The following CHRNG variants were observed in gnomAD, a reference collection of about 807,000 sequenced individuals.
The protein encoded by CHRNG is cholinergic receptor nicotinic gamma subunit.
CHRNG carries 72 observed loss-of-function variants against 65.2 expected under a neutral mutation model. That is an observed-to-expected ratio of 1.10 (90% CI 0.91 to 1.34). The LOEUF is 1.34. Ranked by LOEUF, CHRNG falls within the 40% of genes most tolerant of loss-of-function variation. The probability of loss-of-function intolerance (pLI) is 0.00; values close to 1 mark genes in which losing one functional copy is unlikely to be tolerated. For missense variants in CHRNG, 637 were observed against 680.1 expected (o/e 0.94, Z 0.70); for synonymous variants, 284 against 290.2 (o/e 0.98, Z 0.22).
Position 232,545,782 on chromosome 2 carries a change from C to A in CHRNG, c.*66C>A. On this transcript the variant is annotated 3_prime_UTR_variant, in exon 12 of 12. Coordinates refer to ENST00000651502, the MANE Select transcript of CHRNG (RefSeq NM_005199.5). Reference sequence around the variant, plus strand: ...GGGTCACACTGAGTCTTATCAGCCACGTTCTCCTACTGAGGTCCTAAGTGT... The same window carrying A: ...GGGTCACACTGAGTCTTATCAGCCAAGTTCTCCTACTGAGGTCCTAAGTGT... The A allele has an allele frequency of 6.4e-7, 1 of 1,551,354 alleles. No individual in the cohort carries two copies. Among genetic ancestry groups the A allele is most frequent in the Non-Finnish European group, 8.9e-7 (1 of 1,125,340 alleles).
rs538738265 is a variant in CHRNG at position 232,541,114 on chromosome 2, T to G, written c.351-260T>G. Among the ~76,000 whole-genome samples, 15 of 151,030 alleles carry G rather than the reference T, an allele frequency of 9.9e-5. No individual in the cohort carries two copies. Among genetic ancestry groups the G allele is most frequent in the African/African-American group, 2.2e-4 (9 of 40,966 alleles). ...TTATGACTATTATTATTATTATTAT[T>G]ATTATGATTAAAACAAGAGAGAGTA... On this transcript the variant is annotated intron_variant, in intron 4 of 11. Coordinates refer to ENST00000651502, the MANE Select transcript of CHRNG (RefSeq NM_005199.5). This position sits in a 1 kb window ranked among gnomAD's most constrained non-coding sequence, Gnocchi z 4.0.
At chr2:232,542,339 A>G in intron 5 of CHRNG, 84 bp from the exon 6 acceptor site, 1 of 880,902 alleles carries the variant, frequency 1.1e-6, no homozygotes, top group Non-Finnish European at 1.9e-6. Flanking sequence ...AAAGCTGCCC[A>G]CACTTGTCCC....
In CHRNG at chr2:232,546,924, G is replaced by A. The variant is rs373878622; in HGVS notation, c.*1208G>A. Among the ~76,000 whole-genome samples, 215 of 151,878 alleles carry A rather than the reference G, an allele frequency of 1.4e-3. 6 individuals carry two copies. The South Asian group carries it at 0.042, about 30-fold the overall frequency. On this transcript the variant is annotated 3_prime_UTR_variant, in exon 12 of 12. Transcript: ENST00000651502. ...CACTGAGCTCTTCATTCCAGGAGGA[G>A]ACTTTGACTGGCCTCCCTTGACCCC...
rs1338332307 is a variant in CHRNG at position 232,541,848 on chromosome 2, G to A, written c.506+319G>A. 1.1e-5 allele frequency: 5 copies of A among 451,168 alleles called. No homozygotes were observed. Among genetic ancestry groups the A allele is most frequent in the Non-Finnish European group, 2.1e-5 (5 of 242,608 alleles). The allele number at this position is 451,168 out of a possible 1,614,324, so 27.9% of individuals were successfully genotyped here. ...ACAAGATGCGTGTCTGCGCACACAC[G>A]AAACCACTGCACACTCCAGGCCCAC... is the stretch of plus-strand genomic sequence containing the variant. On this transcript the variant is annotated intron_variant, in intron 5 of 11. Coordinates refer to ENST00000651502, the MANE Select transcript of CHRNG (RefSeq NM_005199.5). The surrounding 1 kb of genome is among the most constrained non-coding windows in gnomAD (Gnocchi z 4.0).
In CHRNG at chr2:232,545,539, T is replaced by G; in HGVS notation, c.1381-4T>G. 2 of 1,613,390 alleles carry G rather than the reference T, an allele frequency of 1.2e-6. No individual in the cohort carries two copies. The highest frequency in any genetic ancestry group is 1.7e-6 in the Non-Finnish European group (2 of 1,179,838). ...GTTATCCCACACCTGCCTCCCACCC[T>G]CAGGGGAATGAGGAGTGGTTCCTGG... On this transcript the variant is annotated splice_polypyrimidine_tract_variant and splice_region_variant and intron_variant, in intron 11 of 11. Coordinates refer to ENST00000651502, the MANE Select transcript of CHRNG (RefSeq NM_005199.5).
intron 5 of CHRNG, among the ~76,000 whole-genome samples, chr2:232,542,045 G>A (rs1172093212): frequency 6.6e-6 from 1 of 152,180 alleles, no homozygotes; most frequent in East Asian, 1.9e-4. Context: ...GTCTTTCCAT[G>A]AGCAAACCTG....
At position 232,540,979 on chromosome 2, in the gene CHRNG, T is replaced by TG. The variant is rs1313434613; in HGVS notation, c.350+272dup. 1.3e-5 allele frequency among the ~76,000 whole-genome samples: 2 copies of TG among 151,778 alleles called. No individual in the cohort carries two copies. The highest frequency in any genetic ancestry group is 1.3e-4 in the Admixed American group (2 of 15,260). ...GTGGGCTGCTCCCTTCCCTGTAACA[T>TG]GGGGCCGCTGACGGGTCCTATAGAA... On this transcript the variant is annotated intron_variant, in intron 4 of 11. Transcript: ENST00000651502. This position sits in a 1 kb window ranked among gnomAD's most constrained non-coding sequence, Gnocchi z 4.2.
In CHRNG at chr2:232,544,782, G is replaced by A. The variant is rs376569365; in HGVS notation, c.1260G>A (p.Pro420=). The A allele has an allele frequency of 7.1e-5, 114 of 1,613,868 alleles. No homozygotes were observed. In the Admixed American group the frequency reaches 1.1e-3, roughly 16 times the overall value. The change falls in exon 11 of 12, where the codon CCG becomes CCA. Residue 420 remains proline (P), a synonymous_variant. Coordinates refer to ENST00000651502, the MANE Select transcript of CHRNG (RefSeq NM_005199.5). Reference sequence around the variant, plus strand: ...CTTTCTCTTTATCAGAGAAAGGCCCGGAGTTAGGGCTGAGCCAGTTCTGTG... The same window carrying A: ...CTTTCTCTTTATCAGAGAAAGGCCCAGAGTTAGGGCTGAGCCAGTTCTGTG... ...AAALEKLEKG[P]ELGLSQFCGS...
rs1692018814 is a variant in CHRNG at position 232,541,585 on chromosome 2, G to A, written c.506+56G>A. On this transcript the variant is annotated intron_variant, in intron 5 of 11. Coordinates refer to ENST00000651502, the MANE Select transcript of CHRNG (RefSeq NM_005199.5). The surrounding 1 kb of genome is among the most constrained non-coding windows in gnomAD (Gnocchi z 4.0). ...AGCTGCTCTCAGAGGGGCCTGGGCA[G>A]TGGTGGGGTAAGGCCTGGGCAAGGC... 6.3e-7 allele frequency: 1 copy of A among 1,599,766 alleles called. No individual in the cohort carries two copies. Among genetic ancestry groups the A allele is most frequent in the East Asian group, 2.2e-5 (1 of 44,828 alleles).
chr2:232,540,616 T>A lies in CHRNG; in HGVS notation c.255T>A (p.Tyr85Ter), dbSNP rs2106220151. 6.2e-7 allele frequency: 1 copy of A among 1,612,230 alleles called. No homozygotes were observed. Among genetic ancestry groups the A allele is most frequent in the East Asian group, 2.2e-5 (1 of 44,854 alleles). Residue 85 changes from tyrosine (Y) to a stop codon, truncating the protein, a stop_gained, in exon 4 of 12, where the codon TAT becomes TAA. Transcript: ENST00000651502. LOFTEE classifies it high-confidence loss of function. This position sits in a 1 kb window ranked among gnomAD's most constrained non-coding sequence, Gnocchi z 4.2. The stretch of plus-strand genomic sequence containing the variant: ...TCCCCCTGCAGCAGTGGTGCGACTA[T>A]CGCCTGCGCTGGGATCCGCGAGACT... ...NVWIEMQWCD[Y>*]RLRWDPRDYE...
In CHRNG at chr2:232,540,757, G is replaced by C; in HGVS notation, c.350+46G>C. ...GGGGTGTGGGGGACAAAGGACACAGGGTCTGGGCCCAGCAGAACAAGGCAC... is the reference window on the plus strand; with the variant it reads ...GGGGTGTGGGGGACAAAGGACACAGCGTCTGGGCCCAGCAGAACAAGGCAC... On this transcript the variant is annotated intron_variant, in intron 4 of 11. Coordinates refer to ENST00000651502, the MANE Select transcript of CHRNG (RefSeq NM_005199.5). The surrounding 1 kb of genome is among the most constrained non-coding windows in gnomAD (Gnocchi z 4.2). The C allele has an allele frequency of 6.5e-7, 1 of 1,533,292 alleles. No homozygotes were observed. The highest frequency in any genetic ancestry group is 8.9e-7 in the Non-Finnish European group (1 of 1,120,962). The allele number at this position is 1,533,292 out of a possible 1,614,324, so 95.0% of individuals were successfully genotyped here. A position where few individuals can be genotyped will look rare whatever the true frequency, so the allele number is the denominator to read the frequency against.
Position 232,546,731 on chromosome 2 carries a change from A to G in CHRNG, c.*1015A>G, listed in dbSNP as rs1692141055. On this transcript the variant is annotated 3_prime_UTR_variant, in exon 12 of 12. Coordinates refer to ENST00000651502, the MANE Select transcript of CHRNG (RefSeq NM_005199.5). ...GCAAATTGAGCCTAGAGTAAGCGGG[A>G]CTCCACACAACAGTGGTGGTTAAAC... is the stretch of plus-strand genomic sequence containing the variant. Among the ~76,000 whole-genome samples, 1 of 152,046 alleles carries G rather than the reference A, an allele frequency of 6.6e-6. No homozygotes were observed. The highest frequency in any genetic ancestry group is 1.5e-5 in the Non-Finnish European group (1 of 68,020).
intron 1 of CHRNG, 79 bp from the exon 2 acceptor site, chr2:232,539,913 G>A: frequency 6.2e-7 from 1 of 1,610,932 alleles, no homozygotes; most frequent in South Asian, 1.1e-5. Flanking sequence ...AGTTCCCTGA[G>A]TCCCCACTTC....
In CHRNG at chr2:232,540,474, C is replaced by T; in HGVS notation, c.240+49C>T. 6.2e-7 allele frequency: 1 copy of T among 1,608,882 alleles called. No individual in the cohort carries two copies. Among genetic ancestry groups the T allele is most frequent in the South Asian group, 1.1e-5 (1 of 91,012 alleles). On this transcript the variant is annotated intron_variant, in intron 3 of 11. Transcript: ENST00000651502. The surrounding 1 kb of genome is among the most constrained non-coding windows in gnomAD (Gnocchi z 4.2). Reference sequence around the variant, plus strand: ...CCTTCCATCAGGGGTCCCACCCCACCACCCCAAGGCCTCCTGAGAGTTGCC... The same window carrying T: ...CCTTCCATCAGGGGTCCCACCCCACTACCCCAAGGCCTCCTGAGAGTTGCC...
In CHRNG at chr2:232,545,911, T is replaced by C; in HGVS notation, c.*195T>C. On this transcript the variant is annotated 3_prime_UTR_variant, in exon 12 of 12. Transcript: ENST00000651502. Reference sequence around the variant, plus strand: ...TCCGAGAGTGGTTGGGGGTGGGCCGTGGCTAGTGTCCTGCTGCAGTCAGCA... The same window carrying C: ...TCCGAGAGTGGTTGGGGGTGGGCCGCGGCTAGTGTCCTGCTGCAGTCAGCA... 1 of 687,980 alleles carries C rather than the reference T, an allele frequency of 1.5e-6. No individual in the cohort carries two copies. The highest frequency in any genetic ancestry group is 1.7e-5 in the South Asian group (1 of 59,500). 42.6% of individuals were successfully genotyped at this position (687,980 alleles called of 1,614,324 possible). A position where few individuals can be genotyped will look rare whatever the true frequency, so the allele number is the denominator to read the frequency against.
Position 232,544,418 on chromosome 2 carries a change from G to A in CHRNG, c.1087G>A (p.Ala363Thr). Residue 363 changes from alanine (A) to threonine (T), a missense_variant, in exon 10 of 12, where the codon GCC (alanine) becomes ACC (threonine). Transcript: ENST00000651502. ...GCTGAGGATGCACGTTCGCCCGCTG[G>A]CCCCGGCAGCTGTGCAGGACACCCA... ...QLLRMHVRPLAPAAVQDTQSR... is the reference protein window; with the variant it reads ...QLLRMHVRPLTPAAVQDTQSR... The A allele has an allele frequency of 6.2e-7, 1 of 1,613,600 alleles. No individual in the cohort carries two copies.
intron 11 of CHRNG, among the ~76,000 whole-genome samples, 155 bp from the exon 12 acceptor site, chr2:232,545,388 G>T (rs729941): frequency 6.6e-6 from 1 of 151,862 alleles, no homozygotes; most frequent in Non-Finnish European, 1.5e-5. Flanking sequence ...GGGCCAGGGG[G>T]CCATGGAATT....
In CHRNG at chr2:232,544,596, T is replaced by G. The variant is rs749476513; in HGVS notation, c.1249+16T>G. ...GAGAAGCTAGGTGAGACACACCAGG[T>G]GTGCCTGGGGACAGTCCTCCCCTGG... On this transcript the variant is annotated intron_variant, in intron 10 of 11. Coordinates refer to ENST00000651502, the MANE Select transcript of CHRNG (RefSeq NM_005199.5). 3.5e-5 allele frequency: 56 copies of G among 1,606,406 alleles called. No homozygotes were observed. The Middle Eastern group carries it at 7.2e-4, about 21-fold the overall frequency.
Position 232,541,535 on chromosome 2 carries a change from G to A in CHRNG, c.506+6G>A, listed in dbSNP as rs1022951202. On this transcript the variant is annotated splice_donor_region_variant and intron_variant, in intron 5 of 11. Coordinates refer to ENST00000651502, the MANE Select transcript of CHRNG (RefSeq NM_005199.5). This position sits in a 1 kb window ranked among gnomAD's most constrained non-coding sequence, Gnocchi z 4.0. ...AACTGCTCCCTTATCTTCCAGTGAG[G>A]CCATTTATTGGGGAGGATTAAGAGA... is the stretch of plus-strand genomic sequence containing the variant. 2 of 1,613,266 alleles carry A rather than the reference G, an allele frequency of 1.2e-6. No homozygotes were observed. Among genetic ancestry groups the A allele is most frequent in the Non-Finnish European group, 1.7e-6 (2 of 1,179,936 alleles).
Sources: allele counts gnomAD v4.1 joint callset (sites outside exome capture counted in the v4.1 genomes callset), GRCh38; gene constraint gnomAD v4.1.1; non-coding constraint Gnocchi (gnomAD v3.1); transcripts MANE v1.5; gene names NCBI Gene and HGNC (gene_info 2026-07-23, HGNC 2026-07-21).